ALPK1: variants seen among roughly 807,000 people sequenced by gnomAD.
ALPK1 encodes the protein alpha kinase 1, also known as alpha-protein kinase 1.
Under a neutral mutation model 120.6 loss-of-function variants are expected in ALPK1, and 110 were observed. That is an observed-to-expected ratio of 0.91 (90% confidence interval 0.78 to 1.07). ALPK1 has a LOEUF of 1.07. Ranked by LOEUF, ALPK1 falls within the 50% of genes least tolerant of loss-of-function variation. The pLI is 0.00. For missense variants in ALPK1, 1,498 were observed against 1,483.9 expected (o/e 1.01, Z -0.16); for synonymous variants, 582 against 560.3 (o/e 1.04, Z -0.55).
intron 5 of ALPK1, among the ~76,000 whole-genome samples, chr4:112,417,700 G>C (rs1466570686): frequency 1.3e-5 from 2 of 152,110 alleles, no homozygotes; most frequent in African/African-American, 4.8e-5. Flanking sequence ...TGCCCAGACT[G>C]GTCTTGAATT....
intron 2 of ALPK1, chr4:112,358,232 G>A (rs1730736575): frequency 1.7e-6 from 1 of 595,240 alleles, no homozygotes; most frequent in Admixed American, 2.1e-5. Context: ...TGACCACAGG[G>A]TTGCCTTTGC....
intron 4 of ALPK1, among the ~76,000 whole-genome samples, chr4:112,396,132 A>T (rs1388289002): frequency 2.6e-5 from 4 of 152,206 alleles, no homozygotes; most frequent in Non-Finnish European, 5.9e-5. Context: ...TAGTACCTAA[A>T]CCACAATGAA....
intron 8 of ALPK1, among the ~76,000 whole-genome samples, 155 bp from the exon 9 acceptor site, chr4:112,427,415 T>A (rs564997220): frequency 1.3e-5 from 2 of 151,750 alleles, no homozygotes; most frequent in Non-Finnish European, 2.9e-5. Flanking sequence ...TTTTAAAAAT[T>A]GATTTTTAAA....
intron 2 of ALPK1, among the ~76,000 whole-genome samples, chr4:112,375,156 G>T (rs1731593841): frequency 6.6e-6 from 1 of 150,904 alleles, no homozygotes; most frequent in African/African-American, 2.4e-5. Context: ...GTTTAGTGTA[G>T]CCACCTTTGT....
At chr4:112,372,698 G>A (rs112110370) in intron 2 of ALPK1, among the ~76,000 whole-genome samples, 82 of 151,986 alleles carry the variant, frequency 5.4e-4, no homozygotes, top group Middle Eastern at 6.8e-3. Context: ...TATCATCACC[G>A]TGACATCCCA....
Position 112,328,596 on chromosome 4 carries a change from C to T in ALPK1, c.-101+12744C>T, listed in dbSNP as rs576840425. Among the ~76,000 whole-genome samples, 95 of 152,318 alleles carry T rather than the reference C, an allele frequency of 6.2e-4. 1 individual carries two copies. In the South Asian group the frequency reaches 0.016, roughly 26 times the overall value. On this transcript the variant is annotated intron_variant, in intron 2 of 15. Coordinates refer to ENST00000650871, the MANE Select transcript of ALPK1 (RefSeq NM_025144.4). Reference sequence around the variant, plus strand: ...TCATTTCACTGGCTGACAGAGACTTCTGGAGTGCCACACTGGGCATTCAGG... The same window carrying T: ...TCATTTCACTGGCTGACAGAGACTTTTGGAGTGCCACACTGGGCATTCAGG...
chr4:112,382,403 C>G lies in ALPK1; in HGVS notation c.127C>G (p.Leu43Val), dbSNP rs1436781274. Residue 43 changes from leucine to valine, a missense_variant, in exon 4 of 16, where the codon CTC (leucine) becomes GTC (valine). Leu to Val is a conservative substitution (Grantham distance 32). Coordinates refer to ENST00000650871, the MANE Select transcript of ALPK1 (RefSeq NM_025144.4). ...CTGAACTCTGACCTTTTCAGCTTTA[C>G]TCCCCAGCGAGTTAAGGACCCTGAT... ...KSEDQRCRAL[L>V]PSELRTLIQE... 2 of 1,564,848 alleles carry G rather than the reference C, an allele frequency of 1.3e-6. No homozygotes were observed. Among genetic ancestry groups the G allele is most frequent in the Non-Finnish European group, 1.7e-6 (2 of 1,148,736 alleles).
chr4:112,424,058 T>A, intron 6 of ALPK1, 55 bp downstream of exon 6: 1 of 1,530,516 alleles, frequency 6.5e-7, no homozygotes, highest in Non-Finnish European at 9.0e-7. Context: ...AACAGAGCAC[T>A]CATTTAATAA....
intron 5 of ALPK1, chr4:112,414,868 G>A (rs1166089313): frequency 1.3e-5 from 2 of 152,406 alleles, no homozygotes; most frequent in South Asian, 2.1e-4. Context: ...CATAGCCAAA[G>A]GAACTTACAC....
At chr4:112,404,760 AT>A (rs1733090263) in intron 4 of ALPK1, among the ~76,000 whole-genome samples, 1 of 152,102 alleles carries the variant, frequency 6.6e-6, no homozygotes. Flanking sequence ...GATTGTGAAC[AT>A]TTTTGTGTGC....
chr4:112,418,701 G>A (rs918093757), intron 5 of ALPK1, among the ~76,000 whole-genome samples: 2 of 151,520 alleles, frequency 1.3e-5, no homozygotes, highest in Non-Finnish European at 2.9e-5. Context: ...CACAAAGCAG[G>A]TATTGAAGGG....
chr4:112,396,779 C>CT (rs1333689422), intron 4 of ALPK1, among the ~76,000 whole-genome samples: 1 of 149,582 alleles, frequency 6.7e-6, no homozygotes, highest in Non-Finnish European at 1.5e-5. Context: ...GTTTTTTTTT[C>CT]TTTTTTTATG....
At chr4:112,408,680 G>C (rs958227792) in intron 4 of ALPK1, among the ~76,000 whole-genome samples, 2 of 152,062 alleles carry the variant, frequency 1.3e-5, no homozygotes, top group African/African-American at 4.8e-5. Context: ...CACCATGTTG[G>C]CCAGGCTGGT....
At chr4:112,345,671 G>A (rs1166724765) in intron 2 of ALPK1, among the ~76,000 whole-genome samples, 2 of 151,988 alleles carry the variant, frequency 1.3e-5, no homozygotes, top group South Asian at 2.1e-4. Flanking sequence ...TAAAAATTTC[G>A]AATATGTTGT....
chr4:112,310,548 A>G (rs17627700), intron 1 of ALPK1, among the ~76,000 whole-genome samples: 3,295 of 152,204 alleles, frequency 0.022, 165 homozygotes, highest in East Asian at 0.19. Flanking sequence ...AGACTTTACT[A>G]TCTATTCAAA....
chr4:112,360,455 G>A (rs554933834), intron 2 of ALPK1, among the ~76,000 whole-genome samples: 1 of 151,914 alleles, frequency 6.6e-6, no homozygotes, highest in African/African-American at 2.4e-5. Flanking sequence ...ATGTTTTTTT[G>A]TGTGTGTATG....
At chr4:112,310,988 G>T (rs1238912250) in intron 1 of ALPK1, among the ~76,000 whole-genome samples, 1 of 151,144 alleles carries the variant, frequency 6.6e-6, no homozygotes, top group East Asian at 1.9e-4. Context: ...GCTTTAGAAA[G>T]GAGGAAACTG....
At chr4:112,379,938 C>T (rs1340717733) in intron 3 of ALPK1, among the ~76,000 whole-genome samples, 2 of 152,122 alleles carry the variant, frequency 1.3e-5, no homozygotes, top group Non-Finnish European at 2.9e-5. Flanking sequence ...TTGTAAAGAA[C>T]AGACTTTTCC....
chr4:112,362,806 G>T (rs1359293600), intron 2 of ALPK1, among the ~76,000 whole-genome samples: 1 of 152,170 alleles, frequency 6.6e-6, no homozygotes, highest in Admixed American at 6.5e-5. Flanking sequence ...AAGCCAAGAC[G>T]AAGGAAAGAA....
Sources: allele counts gnomAD v4.1 joint callset (sites outside exome capture counted in the v4.1 genomes callset), GRCh38; gene constraint gnomAD v4.1.1; transcripts MANE v1.5; gene names NCBI Gene and HGNC (gene_info 2026-07-23, HGNC 2026-07-21).